CALN1: variants seen among roughly 807,000 people sequenced by gnomAD.
The protein encoded by CALN1 is calneuron 1, also known as calcium-binding protein 8.
Under a neutral mutation model 30.6 loss-of-function variants are expected in CALN1, and 17 were observed. That is an observed-to-expected ratio of 0.56 (90% CI 0.38 to 0.83). The LOEUF is 0.83. Among genes scored for constraint, CALN1 ranks in the 40% least tolerant of loss-of-function variants. CALN1 has a pLI of 0.00. For synonymous variants in CALN1, 156 were observed against 131.4 expected (o/e 1.19, Z -1.28); for missense variants, 291 against 354.9 (o/e 0.82, Z 1.45).
At chr7:71,825,224 G>A (rs1788842519) in intron 5 of CALN1, among the ~76,000 whole-genome samples, 1 of 152,180 alleles carries the variant, frequency 6.6e-6, no homozygotes, top group Non-Finnish European at 1.5e-5. Flanking sequence ...TGGTTTGGCT[G>A]TGTCCCCACC....
chr7:72,228,764 T>G (rs1793868328), intron 3 of CALN1, among the ~76,000 whole-genome samples: 1 of 148,268 alleles, frequency 6.7e-6, no homozygotes, highest in African/African-American at 2.6e-5. Flanking sequence ...TTTATTTATT[T>G]ATTTATTTAT....
At chr7:72,484,478 G>A in the CALN1 span, among the ~76,000 whole-genome samples, 1 of 152,152 alleles carries the variant, frequency 6.6e-6, no homozygotes, top group African/African-American at 2.4e-5. Context: ...CCAGTCCTGC[G>A]TGTCAAGCAT....
chr7:72,039,408 A>G (rs1283096525), intron 4 of CALN1, among the ~76,000 whole-genome samples: 1 of 152,202 alleles, frequency 6.6e-6, no homozygotes, highest in Non-Finnish European at 1.5e-5. Flanking sequence ...CTTTCCCTGG[A>G]GAGAGTACTG....
rs532375627 is a variant in CALN1, at chr7:72,144,202, C to T, written c.245-37908G>A. On this transcript the variant is annotated intron_variant, in intron 3 of 6. Coordinates refer to ENST00000395275, the MANE Select transcript of CALN1 (RefSeq NM_031468.4). ...TGGCAAATTGGATAAAGAGTCAAGA[C>T]CCATCAGTGTGCTGTATTCAGGAAA... Among the ~76,000 whole-genome samples the T allele has an allele frequency of 6.2e-3, 948 of 152,174 alleles. 3 individuals are homozygous for T. The highest frequency in any genetic ancestry group is 0.01 in the Middle Eastern group (3 of 294).
At chr7:72,250,922 C>T (rs1585267297) in intron 3 of CALN1, among the ~76,000 whole-genome samples, 1 of 152,180 alleles carries the variant, frequency 6.6e-6, no homozygotes, top group South Asian at 2.1e-4. Context: ...CATACACCAT[C>T]CTTTTCCAAC....
intron 2 of CALN1, among the ~76,000 whole-genome samples, chr7:72,279,077 A>G (rs1263694442): frequency 7.9e-5 from 12 of 152,110 alleles, no homozygotes; most frequent in Admixed American, 7.9e-4. Flanking sequence ...GTCCTTGTTA[A>G]TCATGGCACA....
Position 71,830,327 on chromosome 7 carries a change from G to A in CALN1, c.502-19835C>T, listed in dbSNP as rs559875260. ...CAAAATGCTGGGATTACAGGCATGA[G>A]CCACCGTGTCCGGCCATCAGTTCTT... On this transcript the variant is annotated intron_variant, in intron 5 of 6. Transcript: ENST00000395275. 4.0e-5 allele frequency among the ~76,000 whole-genome samples: 6 copies of A among 151,540 alleles called. No homozygotes were observed. In the East Asian group the frequency reaches 9.8e-4, roughly 25 times the overall value.
chr7:72,476,285 T>C, the CALN1 span, among the ~76,000 whole-genome samples: 1 of 152,116 alleles, frequency 6.6e-6, no homozygotes, highest in Non-Finnish European at 1.5e-5. Context: ...AAGATGTGCC[T>C]TTGCTTCTCC....
chr7:71,831,157 C>T (rs1273444527), intron 5 of CALN1, among the ~76,000 whole-genome samples: 2 of 152,038 alleles, frequency 1.3e-5, no homozygotes, highest in East Asian at 3.9e-4. Context: ...GAATCTGTTT[C>T]CTCATACATT....
At chr7:71,986,836 A>G (rs2129527547) in intron 5 of CALN1, among the ~76,000 whole-genome samples, 1 of 152,280 alleles carries the variant, frequency 6.6e-6, no homozygotes, top group Admixed American at 6.5e-5. Context: ...AGTTCTTAAA[A>G]GTCTTGTGGG....
chr7:72,065,998 C>G (rs973258147), intron 4 of CALN1, among the ~76,000 whole-genome samples: 1 of 152,178 alleles, frequency 6.6e-6, no homozygotes, highest in African/African-American at 2.4e-5. Flanking sequence ...AAGTAAAATT[C>G]GCATTATTGA....
chr7:72,027,401 G>A (rs186151537), intron 4 of CALN1, among the ~76,000 whole-genome samples: 6 of 152,212 alleles, frequency 3.9e-5, no homozygotes, highest in African/African-American at 7.2e-5. Context: ...TCAAGGACAC[G>A]AATCTATTTT....
At chr7:72,232,367 T>C (rs973046200) in intron 3 of CALN1, among the ~76,000 whole-genome samples, 9 of 152,216 alleles carry the variant, frequency 5.9e-5, no homozygotes, top group African/African-American at 1.2e-4. Context: ...TAGCCAAGCA[T>C]TGGAGAGAAA....
intron 5 of CALN1, among the ~76,000 whole-genome samples, chr7:71,955,911 T>C (rs1358340655): frequency 1.3e-5 from 2 of 151,902 alleles, no homozygotes; most frequent in East Asian, 1.9e-4. Flanking sequence ...ACCTGGGTGG[T>C]ACCTGGTGAT....
intron 6 of CALN1, among the ~76,000 whole-genome samples, chr7:71,792,472 C>T (rs1421778747): frequency 6.6e-6 from 1 of 152,168 alleles, no homozygotes; most frequent in Non-Finnish European, 1.5e-5. Flanking sequence ...ATTGAAGCTT[C>T]CACCTTTTGG....
intron 3 of CALN1, among the ~76,000 whole-genome samples, chr7:72,272,565 G>A (rs890702160): frequency 6.6e-5 from 10 of 151,472 alleles, no homozygotes; most frequent in African/African-American, 9.7e-5. Flanking sequence ...CTGTCTCCAC[G>A]AAAAAAAAGA....
At chr7:72,332,809 C>T (rs932944081) in intron 2 of CALN1, among the ~76,000 whole-genome samples, 1 of 152,138 alleles carries the variant, frequency 6.6e-6, no homozygotes, top group Non-Finnish European at 1.5e-5. Flanking sequence ...CCAAATTCAT[C>T]CCATCTTCTC....
intron 4 of CALN1, among the ~76,000 whole-genome samples, chr7:72,049,290 T>C (rs912898627): frequency 8.6e-5 from 13 of 151,908 alleles, no homozygotes; most frequent in Admixed American, 7.9e-4. Flanking sequence ...AACACAGAAA[T>C]TGGAGACTTG....
At chr7:72,269,452 T>G (rs1035663370) in intron 3 of CALN1, among the ~76,000 whole-genome samples, 1 of 151,894 alleles carries the variant, frequency 6.6e-6, no homozygotes, top group Non-Finnish European at 1.5e-5. Context: ...AGTGAGAACA[T>G]GCAAGGTGAG....
Sources: allele counts gnomAD v4.1 joint callset (sites outside exome capture counted in the v4.1 genomes callset), GRCh38; gene constraint gnomAD v4.1.1; transcripts MANE v1.5; gene names NCBI Gene and HGNC (gene_info 2026-07-23, HGNC 2026-07-21).